Variants in RABGAP1L observed in about 807,000 individuals in gnomAD.
RABGAP1L encodes rab GTPase-activating protein 1-like.
In RABGAP1L, 63 loss-of-function variants were observed where a neutral mutation model predicts 137.7. The observed-to-expected ratio is 0.46, with a 90% CI of 0.37 to 0.56. The LOEUF is 0.56. RABGAP1L is among the 20% of genes least tolerant of loss of function. The probability of loss-of-function intolerance (pLI) is 0.00; values close to 1 mark genes in which losing one functional copy is unlikely to be tolerated. For missense variants in RABGAP1L, 1,095 were observed against 1,244.0 expected (o/e 0.88, Z 1.80); for synonymous variants, 431 against 433.7 (o/e 0.99, Z 0.08).
At chr1:174,669,995 T>A (rs1217155795) in intron 14 of RABGAP1L, among the ~76,000 whole-genome samples, 1 of 152,120 alleles carries the variant, frequency 6.6e-6, no homozygotes, top group Non-Finnish European at 1.5e-5. Context: ...TCTTAAAGAT[T>A]TATTTTTCTA....
At chr1:174,181,840 G>A (rs1311591603) in intron 1 of RABGAP1L, among the ~76,000 whole-genome samples, 1 of 152,216 alleles carries the variant, frequency 6.6e-6, no homozygotes, top group African/African-American at 2.4e-5. Context: ...AGAAAGAAGG[G>A]AGGTGGGTAG....
intron 19 of RABGAP1L, among the ~76,000 whole-genome samples, chr1:174,833,518 C>T (rs1205369361): frequency 1.5e-5 from 2 of 133,358 alleles, no homozygotes; most frequent in Non-Finnish European, 3.3e-5. Context: ...CTCAAGTGAT[C>T]CACCTGCATC....
intron 13 of RABGAP1L, among the ~76,000 whole-genome samples, chr1:174,523,516 A>G (rs1663609060): frequency 6.6e-6 from 1 of 152,200 alleles, no homozygotes; most frequent in Non-Finnish European, 1.5e-5. Context: ...GATTCATAAT[A>G]TGTTATGTAT....
rs1381631345 is a variant in RABGAP1L, at chr1:174,913,271, C to T, written c.2341-44186C>T. ...GATTACAGGTGTGAGCCACTGCGCC[C>T]GACCTCTACATGCTTATTTCTAAGA... is the stretch of plus-strand genomic sequence containing the variant. On this transcript the variant is annotated intron_variant, in intron 19 of 25. Coordinates refer to ENST00000681986, the MANE Select transcript of RABGAP1L (RefSeq NM_001366446.1). 5.3e-5 allele frequency among the ~76,000 whole-genome samples: 8 copies of T among 152,036 alleles called. 1 individual carries two copies. Among genetic ancestry groups the T allele is most frequent in the South Asian group, 2.1e-4 (1 of 4,814 alleles).
At chr1:174,504,752 T>G (rs1256339567) in intron 13 of RABGAP1L, among the ~76,000 whole-genome samples, 1 of 152,112 alleles carries the variant, frequency 6.6e-6, no homozygotes, top group Non-Finnish European at 1.5e-5. Context: ...ATGTAAAACC[T>G]GAAACTGTAA....
intron 10 of RABGAP1L, among the ~76,000 whole-genome samples, chr1:174,287,992 A>G (rs771228291): frequency 5.9e-5 from 9 of 151,912 alleles, no homozygotes; most frequent in Non-Finnish European, 1.0e-4. Flanking sequence ...TTGTGTATCT[A>G]CTGCAGGATT....
rs1205150363 is a variant in RABGAP1L at position 174,292,018 on chromosome 1, A to ATTT, written c.1324-12967_1324-12965dup. 7.1e-4 allele frequency among the ~76,000 whole-genome samples: 71 copies of ATTT among 99,666 alleles called. 1 individual carries two copies. Among genetic ancestry groups the ATTT allele is most frequent in the African/African-American group, 3.6e-3 (69 of 19,028 alleles). 65.4% of individuals were successfully genotyped at this position (99,666 alleles called of 152,430 possible). A position where few individuals can be genotyped will look rare whatever the true frequency, so the allele number is the denominator to read the frequency against. On this transcript the variant is annotated intron_variant, in intron 10 of 25. Coordinates refer to ENST00000681986, the MANE Select transcript of RABGAP1L (RefSeq NM_001366446.1). ...TCTGGCTTCATGTGAAGATTAGATC[A>ATTT]TTTATTATTATTATTATTATTATTA...
chr1:174,905,272 G>T (rs1281553502), intron 19 of RABGAP1L, among the ~76,000 whole-genome samples: 1 of 152,114 alleles, frequency 6.6e-6, no homozygotes, highest in Non-Finnish European at 1.5e-5. Flanking sequence ...AAGAGACAGA[G>T]CAACAATTCA....
chr1:174,502,677 C>CAT (rs1259626859), intron 13 of RABGAP1L, among the ~76,000 whole-genome samples: 1 of 141,504 alleles, frequency 7.1e-6, no homozygotes, highest in Non-Finnish European at 1.5e-5. Flanking sequence ...TGTATATATA[C>CAT]ATATATGTGT....
At chr1:174,264,121 A>G (rs1673833162) in intron 7 of RABGAP1L, among the ~76,000 whole-genome samples, 1 of 152,042 alleles carries the variant, frequency 6.6e-6, no homozygotes, top group South Asian at 2.1e-4. Context: ...TATGTCTTAT[A>G]GGTGAAATTT....
chr1:174,274,217 A>G (rs1212786521), intron 8 of RABGAP1L, among the ~76,000 whole-genome samples: 2 of 152,112 alleles, frequency 1.3e-5, no homozygotes, highest in Non-Finnish European at 2.9e-5. Context: ...CCCAAATATC[A>G]TGTGATCCTC....
At chr1:174,708,632 A>T (rs1037147813) in intron 17 of RABGAP1L, among the ~76,000 whole-genome samples, 13 of 152,162 alleles carry the variant, frequency 8.5e-5, no homozygotes, top group African/African-American at 3.1e-4. Flanking sequence ...CACTTTTCCC[A>T]TGGTCTTCGC....
Position 174,440,150 on chromosome 1 carries a change from G to GGT in RABGAP1L, c.1710+46006_1710+46007dup, listed in dbSNP as rs1478365492. Among the ~76,000 whole-genome samples, 5 of 152,176 alleles carry GGT rather than the reference G, an allele frequency of 3.3e-5. No homozygotes were observed. The East Asian group carries it at 9.6e-4, about 29-fold the overall frequency. Reference sequence around the variant, plus strand: ...GGTGAGGGATATGAGTTGGTGGGGAGGTAGAGGTAGTTTAGCTAATCCTAA... The same window carrying GGT: ...GGTGAGGGATATGAGTTGGTGGGGAGGTGTAGAGGTAGTTTAGCTAATCCTAA... On this transcript the variant is annotated intron_variant, in intron 13 of 25. Coordinates refer to ENST00000681986, the MANE Select transcript of RABGAP1L (RefSeq NM_001366446.1).
chr1:174,736,773 G>A (rs969952465), intron 17 of RABGAP1L, among the ~76,000 whole-genome samples: 1 of 152,226 alleles, frequency 6.6e-6, no homozygotes, highest in Admixed American at 6.5e-5. Flanking sequence ...GACTTAACAT[G>A]ACATGGAAGC....
chr1:174,356,601 C>G (rs915371321), intron 11 of RABGAP1L, among the ~76,000 whole-genome samples: 30 of 151,164 alleles, frequency 2.0e-4, no homozygotes, highest in African/African-American at 6.8e-4. Flanking sequence ...AGAGAGTGAC[C>G]AAAGTTGAGA....
rs923748663 is a variant in RABGAP1L at position 174,969,466 on chromosome 1, G to C, written c.2544+79G>C. 5 of 1,095,720 alleles carry C rather than the reference G, an allele frequency of 4.6e-6. No individual in the cohort carries two copies. The African/African-American group carries it at 7.8e-5, about 17-fold the overall frequency. The allele number at this position is 1,095,720 out of a possible 1,614,324, so 67.9% of individuals were successfully genotyped here. On this transcript the variant is annotated intron_variant, in intron 21 of 25. Transcript: ENST00000681986. ...CCCTCATCACCGCCCCCACAAACTTGCTTTGTTCTTGACTTTGTTCTTGAG... is the reference window on the plus strand; with the variant it reads ...CCCTCATCACCGCCCCCACAAACTTCCTTTGTTCTTGACTTTGTTCTTGAG...
chr1:174,234,813 G>T (rs1048163729), intron 4 of RABGAP1L, among the ~76,000 whole-genome samples: 68 of 148,226 alleles, frequency 4.6e-4, no homozygotes, highest in African/African-American at 1.7e-3. Context: ...GAAAGTCATT[G>T]GTAGCTTGAT....
intron 13 of RABGAP1L, among the ~76,000 whole-genome samples, chr1:174,625,024 A>G (rs541325291): frequency 6.6e-6 from 1 of 151,822 alleles, no homozygotes; most frequent in African/African-American, 2.4e-5. Context: ...GGCACCTGAC[A>G]CCACACCTGG....
chr1:174,575,157 C>T (rs143836537), intron 13 of RABGAP1L, among the ~76,000 whole-genome samples: 5,338 of 152,118 alleles, frequency 0.035, 126 homozygotes, highest in Middle Eastern at 0.088. Flanking sequence ...CGCGAACTCC[C>T]GACCTCAGGT....
Sources: gnomAD v4.1 joint callset for allele counts (sites outside exome capture counted in the v4.1 genomes callset) on GRCh38, gnomAD v4.1.1 for gene constraint, MANE v1.5 for transcripts, NCBI Gene and HGNC (gene_info 2026-07-23, HGNC 2026-07-21) for gene names.